SLC14A2: variants seen among roughly 807,000 people sequenced by gnomAD.
SLC14A2 encodes solute carrier family 14 member 2, also known as urea transporter 2.
SLC14A2 carries 91 observed loss-of-function variants against 104.6 expected under a neutral mutation model. That is an observed-to-expected ratio of 0.87 (90% CI 0.73 to 1.04). The LOEUF (loss-of-function observed/expected upper bound fraction) is 1.04. SLC14A2 is among the 50% of genes least tolerant of loss of function. The pLI is 0.00. For synonymous variants in SLC14A2, 476 were observed against 466.4 expected, an observed-to-expected ratio of 1.02 and a Z score of -0.27; for missense variants, 1,189 against 1,156.0, an observed-to-expected ratio of 1.03 and a Z score of -0.41.
At chr18:45,651,050 C>T (rs1054178577) in intron 10 of SLC14A2, among the ~76,000 whole-genome samples, 3 of 152,144 alleles carry the variant, frequency 2.0e-5, no homozygotes, top group Non-Finnish European at 4.4e-5. Context: ...GCCTTGTCCC[C>T]TTGTATCCCC....
intron 2 of SLC14A2, among the ~76,000 whole-genome samples, chr18:45,590,592 T>TCCCA (rs1177972078): frequency 6.6e-6 from 1 of 152,118 alleles, no homozygotes; most frequent in Non-Finnish European, 1.5e-5. Context: ...GGCTCTCCTT[T>TCCCA]CCCAGGTCTT....
At chr18:45,607,412 C>G (rs1327570345) in intron 2 of SLC14A2, among the ~76,000 whole-genome samples, 1 of 152,148 alleles carries the variant, frequency 6.6e-6, no homozygotes, top group Non-Finnish European at 1.5e-5. Flanking sequence ...TACATGGTTG[C>G]TAGGAAGGAT....
At chr18:45,491,372 A>G (rs2042996513) in intron 2 of SLC14A2, among the ~76,000 whole-genome samples, 1 of 152,200 alleles carries the variant, frequency 6.6e-6, no homozygotes. Flanking sequence ...AACATATAAA[A>G]CAATGTTATC....
chr18:45,294,372 A>T (rs1293200030), intron 1 of SLC14A2, among the ~76,000 whole-genome samples: 1 of 152,188 alleles, frequency 6.6e-6, no homozygotes, highest in Admixed American at 6.5e-5. Flanking sequence ...TATTTTATAT[A>T]TCCTTTGTCA....
At chr18:45,288,724 C>A (rs1478966202) in intron 1 of SLC14A2, among the ~76,000 whole-genome samples, 1 of 152,212 alleles carries the variant, frequency 6.6e-6, no homozygotes, top group Non-Finnish European at 1.5e-5. Flanking sequence ...CAGTGACTGA[C>A]AGAGCGTCAT....
chr18:45,483,996 A>T lies in SLC14A2; in HGVS notation c.-35+674A>T, dbSNP rs142751706. ...CTGAAATACTGGTGGATCTCTTTTCATTGGGATCTATAATAGAATAGCTGT... is the reference window on the plus strand; with the variant it reads ...CTGAAATACTGGTGGATCTCTTTTCTTTGGGATCTATAATAGAATAGCTGT... On this transcript the variant is annotated intron_variant, in intron 2 of 20. Coordinates refer to the SLC14A2 transcript ENST00000586448. 8.2e-4 allele frequency among the ~76,000 whole-genome samples: 125 copies of T among 152,312 alleles called. 1 individual carries two copies. In the East Asian group the frequency reaches 0.021, roughly 25 times the overall value.
chr18:45,217,012 A>G (rs2084017106), intron 1 of SLC14A2, among the ~76,000 whole-genome samples: 1 of 152,060 alleles, frequency 6.6e-6, no homozygotes, highest in South Asian at 2.1e-4. Flanking sequence ...TCTCATCTGG[A>G]AAGAGGAGAT....
At chr18:45,223,270 G>C (rs548264581) in intron 1 of SLC14A2, among the ~76,000 whole-genome samples, 2 of 152,268 alleles carry the variant, frequency 1.3e-5, no homozygotes, top group Admixed American at 1.3e-4. Flanking sequence ...CTGCGTGTGA[G>C]AGGTCACAAT....
chr18:45,668,911 T>C (rs2046079639), intron 15 of SLC14A2, among the ~76,000 whole-genome samples: 2 of 152,236 alleles, frequency 1.3e-5, no homozygotes, highest in Admixed American at 1.3e-4. Flanking sequence ...AAGCCCTCAG[T>C]GCCTGCTCTA....
At chr18:45,661,098 GGCT>G (rs1567998648) in intron 10 of SLC14A2, among the ~76,000 whole-genome samples, 2 of 152,102 alleles carry the variant, frequency 1.3e-5, no homozygotes, top group Non-Finnish European at 2.9e-5. Context: ...ACAGAATCTG[GGCT>G]GCTAACTGTG....
At chr18:45,446,804 C>T (rs2542982) in intron 1 of SLC14A2, among the ~76,000 whole-genome samples, 40,271 of 151,928 alleles carry the variant, frequency 0.27, 5,598 homozygotes, top group South Asian at 0.49. Flanking sequence ...AAGAAGTAGT[C>T]CCAAAATGGG....
chr18:45,619,287 C>T lies in SLC14A2; in HGVS notation c.-35+3705C>T, dbSNP rs559639754. On this transcript the variant is annotated intron_variant, in intron 1 of 19. Coordinates refer to ENST00000255226, the MANE Select transcript of SLC14A2 (RefSeq NM_007163.4). ...GGCAGCCGCTCTGTGCTCTCTGCACCGCCCTCTTGCCCTCTGCCCTTGTGC... is the reference window on the plus strand; with the variant it reads ...GGCAGCCGCTCTGTGCTCTCTGCACTGCCCTCTTGCCCTCTGCCCTTGTGC... Among the ~76,000 whole-genome samples the T allele has an allele frequency of 6.6e-5, 10 of 152,346 alleles. No individual in the cohort carries two copies. In the East Asian group the frequency reaches 1.2e-3, roughly 18 times the overall value.
At position 45,669,396 on chromosome 18, in the gene SLC14A2, C is replaced by T. The variant is rs774547617; in HGVS notation, c.2127C>T (p.Tyr709=). ...CCTTCAATATCACTGTGACTTTGTA[C>T]CTGGCAGCCACGGGCCACTACAACC... ...TLPFNITVTL[Y]LAATGHYNLF... Residue 709 remains tyrosine (Y), a synonymous_variant, in exon 16 of 20, where the codon TAC becomes TAT. Coordinates refer to ENST00000255226, the MANE Select transcript of SLC14A2 (RefSeq NM_007163.4). The T allele has an allele frequency of 1.2e-6, 2 of 1,613,660 alleles. No individual in the cohort carries two copies. The highest frequency in any genetic ancestry group is 1.7e-5 in the Admixed American group (1 of 60,004).
At chr18:45,680,320 C>T (rs1034955681) in intron 19 of SLC14A2, among the ~76,000 whole-genome samples, 5 of 152,210 alleles carry the variant, frequency 3.3e-5, no homozygotes, top group Non-Finnish European at 7.3e-5. Context: ...TGGCCTTTCT[C>T]TCTGTTTTCA....
chr18:45,237,617 C>G (rs1270348621), intron 1 of SLC14A2, among the ~76,000 whole-genome samples: 1 of 152,202 alleles, frequency 6.6e-6, no homozygotes, highest in Admixed American at 6.5e-5. Context: ...TGGCTGGTTC[C>G]CATCTAATTT....
At chr18:45,246,179 A>G (rs888281511) in intron 1 of SLC14A2, among the ~76,000 whole-genome samples, 2 of 152,180 alleles carry the variant, frequency 1.3e-5, no homozygotes, top group Non-Finnish European at 1.5e-5. Flanking sequence ...CCAGGAATAT[A>G]TTCACATAGA....
intron 10 of SLC14A2, among the ~76,000 whole-genome samples, chr18:45,659,730 G>C (rs778586063): frequency 2.0e-5 from 3 of 152,128 alleles, no homozygotes; most frequent in African/African-American, 7.2e-5. Context: ...CTATATTTCA[G>C]TGTCTATCAA....
chr18:45,592,736 G>A (rs2044665949), intron 2 of SLC14A2, among the ~76,000 whole-genome samples: 1 of 152,258 alleles, frequency 6.6e-6, no homozygotes, highest in Non-Finnish European at 1.5e-5. Context: ...CAAGCACCAT[G>A]GCCTAATGAG....
At chr18:45,247,833 CAAAGAAGCTCATCTATGTAGGAG>C (rs773065221) in intron 1 of SLC14A2, among the ~76,000 whole-genome samples, 8 of 151,944 alleles carry the variant, frequency 5.3e-5, no homozygotes, top group Non-Finnish European at 7.4e-5. Flanking sequence ...CTCTCATGAC[CAAAGAAGCTCATCTATGTAGGAG>C]AGAATGGAGC....
Sources: allele counts gnomAD v4.1 joint callset (sites outside exome capture counted in the v4.1 genomes callset), GRCh38; gene constraint gnomAD v4.1.1; transcripts MANE v1.5; gene names NCBI Gene and HGNC (gene_info 2026-07-23, HGNC 2026-07-21).